The following OPRM1 variants were observed in gnomAD, a reference collection of about 807,000 sequenced individuals.
OPRM1 encodes mu-type opioid receptor.
Under a neutral mutation model 31.8 loss-of-function variants are expected in OPRM1, and 27 were observed. The ratio of observed to expected loss-of-function variants is 0.85; its 90% CI spans 0.63 to 1.17. The LOEUF (loss-of-function observed/expected upper bound fraction) is 1.17, where lower values mean the gene tolerates loss of function less well. Ranked by LOEUF, OPRM1 falls within the 50% of genes most tolerant of loss-of-function variation. The probability of loss-of-function intolerance (pLI) is 0.00; values close to 1 mark genes in which losing one functional copy is unlikely to be tolerated. For synonymous variants in OPRM1, 196 were observed against 189.9 expected (o/e 1.03, Z -0.26); for missense variants, 536 against 511.1 (o/e 1.05, Z -0.47).
At chr6:154,110,756 G>A (rs1182553257) in intron 3 of OPRM1, among the ~76,000 whole-genome samples, 2 of 151,864 alleles carry the variant, frequency 1.3e-5, no homozygotes, top group African/African-American at 2.4e-5. Flanking sequence ...GCGTGGTGGC[G>A]GGCACCTGTA....
intron 3 of OPRM1, among the ~76,000 whole-genome samples, chr6:154,224,919 T>G (rs992220839): frequency 1.3e-5 from 2 of 152,186 alleles, no homozygotes; most frequent in African/African-American, 4.8e-5. Flanking sequence ...ATTCAAAGAA[T>G]ACAGACTAAG....
intron 3 of OPRM1, chr6:154,221,193 A>T: frequency 8.8e-7 from 1 of 1,136,080 alleles, no homozygotes; most frequent in Non-Finnish European, 1.3e-6. Context: ...TTAGAATTCC[A>T]GTACCAGGCT....
chr6:154,110,382 T>C (rs1310816132), intron 3 of OPRM1: 1 of 1,500,698 alleles, frequency 6.7e-7, no homozygotes, highest in Non-Finnish European at 9.1e-7. Context: ...AAAGTCATCT[T>C]TACTCAACTG....
intron 3 of OPRM1, chr6:154,091,734 A>T (rs1393316903): frequency 8.3e-7 from 1 of 1,204,168 alleles, no homozygotes; most frequent in Non-Finnish European, 1.0e-6. Context: ...TATGGCCTTT[A>T]CTTCTATGCA....
chr6:154,109,867 G>C (rs1796158679), intron 3 of OPRM1, among the ~76,000 whole-genome samples: 1 of 149,094 alleles, frequency 6.7e-6, no homozygotes, highest in Non-Finnish European at 1.5e-5. Context: ...CTAAGCCAAA[G>C]TTCAGTTCTC....
intron 3 of OPRM1, among the ~76,000 whole-genome samples, chr6:154,188,454 C>T (rs952979982): frequency 3.9e-5 from 6 of 152,134 alleles, no homozygotes; most frequent in Non-Finnish European, 7.4e-5. Flanking sequence ...AAAAATGTAA[C>T]GCAATTCATG....
rs1013018385 is a variant in OPRM1, at chr6:154,221,845, G to C, written c.1165-24848G>C. ...GCCGAGATCATGCCACTGCACTCCA[G>C]TCTGGGTGACAGAGGAAGACTCCGT... is the stretch of plus-strand genomic sequence containing the variant. On this transcript the variant is annotated intron_variant, in intron 3 of 3. Transcript: ENST00000337049. 3.9e-5 allele frequency among the ~76,000 whole-genome samples: 6 copies of C among 152,306 alleles called. No homozygotes were observed. In the East Asian group the frequency reaches 1.2e-3, roughly 29 times the overall value.
Position 154,061,852 on chromosome 6 carries a change from T to C in OPRM1, c.290+22018T>C, listed in dbSNP as rs138626825. 8.6e-5 allele frequency among the ~76,000 whole-genome samples: 13 copies of C among 150,656 alleles called. No individual in the cohort carries two copies. The East Asian group carries it at 2.5e-3, about 29-fold the overall frequency. ...GGAAAAAAAAAAGGTGTTAAGGAAA[T>C]GTATGTTGACTCAATGTTGACACTA... On this transcript the variant is annotated intron_variant, in intron 1 of 3. Coordinates refer to ENST00000330432, the MANE Select transcript of OPRM1 (RefSeq NM_000914.5).
intron 1 of OPRM1, among the ~76,000 whole-genome samples, chr6:154,061,426 G>A (rs1216156629): frequency 2.6e-5 from 4 of 152,056 alleles, no homozygotes; most frequent in Admixed American, 2.6e-4. Flanking sequence ...TAGAACCAGT[G>A]CCTATCATGT....
At position 154,131,890 on chromosome 6, in the gene OPRM1, A is replaced by G. The variant is rs1797914382; in HGVS notation, c.*13169A>G. Among the ~76,000 whole-genome samples the G allele has an allele frequency of 6.7e-6, 1 of 148,686 alleles. No homozygotes were observed. ...ACAAAAAGGAATGTTAAAAAAAAAC[A>G]CACAACATTGTTTTCCTTTTGATGG... is the stretch of plus-strand genomic sequence containing the variant. On this transcript the variant is annotated 3_prime_UTR_variant, in exon 4 of 4. Coordinates refer to ENST00000330432, the MANE Select transcript of OPRM1 (RefSeq NM_000914.5).
rs1049864760 is a variant in OPRM1, at chr6:154,125,673, A to G, written c.*6952A>G. On this transcript the variant is annotated 3_prime_UTR_variant, in exon 4 of 4. Coordinates refer to ENST00000330432, the MANE Select transcript of OPRM1 (RefSeq NM_000914.5). ...GCAATTTGATTTTTGAAAGGACCTA[A>G]AAGTTGAAAACAGGCTATCACATCC... 6.6e-6 allele frequency among the ~76,000 whole-genome samples: 1 copy of G among 152,200 alleles called. No homozygotes were observed. Among genetic ancestry groups the G allele is most frequent in the African/African-American group, 2.4e-5 (1 of 41,448 alleles).
At chr6:154,103,856 T>C (rs1795209654) in intron 3 of OPRM1, among the ~76,000 whole-genome samples, 1 of 152,214 alleles carries the variant, frequency 6.6e-6, no homozygotes, top group Non-Finnish European at 1.5e-5. Context: ...CCGGCTCCTT[T>C]ACTGCAACGT....
chr6:154,087,621 C>T (rs1450879155), intron 1 of OPRM1: 2 of 982,786 alleles, frequency 2.0e-6, no homozygotes, highest in Non-Finnish European at 2.4e-6. Flanking sequence ...GTCCATAAGT[C>T]TCAAAATAAA....
chr6:154,047,824 G>C (rs950158558), intron 1 of OPRM1, among the ~76,000 whole-genome samples: 3 of 152,156 alleles, frequency 2.0e-5, no homozygotes, highest in African/African-American at 4.8e-5. Context: ...CCATAGCCTG[G>C]GTGGCTTACA....
At position 154,091,015 on chromosome 6, in the gene OPRM1, T is replaced by A; in HGVS notation, c.707T>A (p.Ile236Asn). The change falls in exon 3 of 4, where the codon ATC becomes AAC. Residue 236 changes from isoleucine (I) to asparagine (N), a missense_variant. Physicochemically the swap from Ile to Asn is moderately radical, Grantham distance 149. Transcript: ENST00000330432. ...PTWYWENLLK[I>N]CVFIFAFIMP... is the part of the protein sequence containing the mutation. ...TGGTACTGGGAAAACCTGCTGAAGATCTGTGTTTTCATCTTCGCCTTCATT... is the reference window on the plus strand; with the variant it reads ...TGGTACTGGGAAAACCTGCTGAAGAACTGTGTTTTCATCTTCGCCTTCATT... 4 of 1,614,180 alleles carry A rather than the reference T, an allele frequency of 2.5e-6. No homozygotes were observed. The African/African-American group carries it at 5.3e-5, about 22-fold the overall frequency.
chr6:154,036,993 A>G (rs191238805), upstream of OPRM1, among the ~76,000 whole-genome samples: 3 of 152,136 alleles, frequency 2.0e-5, no homozygotes, highest in Admixed American at 2.0e-4. Flanking sequence ...AATAAAGTAT[A>G]TTAAAAAATG....
At chr6:154,099,326 A>AG (rs1793992695) in intron 3 of OPRM1, among the ~76,000 whole-genome samples, 1 of 128,306 alleles carries the variant, frequency 7.8e-6, no homozygotes, top group South Asian at 3.1e-4. Context: ...GAAGGAAGGA[A>AG]GGAAGGGAGG....
At chr6:154,074,637 G>A (rs1562430667) in intron 1 of OPRM1, among the ~76,000 whole-genome samples, 1 of 152,120 alleles carries the variant, frequency 6.6e-6, no homozygotes, top group Non-Finnish European at 1.5e-5. Flanking sequence ...GTACACTCCT[G>A]TAGTCCCAGC....
At chr6:154,081,770 C>T (rs989322556) in intron 1 of OPRM1, among the ~76,000 whole-genome samples, 1 of 152,154 alleles carries the variant, frequency 6.6e-6, no homozygotes, top group Non-Finnish European at 1.5e-5. Context: ...TAGAAATACA[C>T]GTGGCCCACA....
Sources: allele counts gnomAD v4.1 joint callset (sites outside exome capture counted in the v4.1 genomes callset), GRCh38; gene constraint gnomAD v4.1.1; transcripts MANE v1.5; gene names NCBI Gene and HGNC (gene_info 2026-07-23, HGNC 2026-07-21).